The following COL4A3 variants were observed in gnomAD, a reference collection of about 807,000 sequenced individuals.
COL4A3 encodes collagen alpha-3(IV) chain.
A neutral mutation model predicts 217.4 loss-of-function variants in COL4A3; 135 were observed. The ratio of observed to expected loss-of-function variants is 0.62; its 90% confidence interval spans 0.54 to 0.72. The LOEUF is 0.72. Ranked by LOEUF, COL4A3 falls within the 30% of genes least tolerant of loss-of-function variation. The probability of loss-of-function intolerance (pLI) is 0.00; values close to 1 mark genes in which losing one functional copy is unlikely to be tolerated. For missense variants in COL4A3, 1,868 were observed against 2,119.9 expected (o/e 0.88, Z 2.33); for synonymous variants, 690 against 736.3 (o/e 0.94, Z 1.02).
At chr2:227,255,931 G>A (rs1574706594) in intron 15 of COL4A3, 95 bp from the exon 16 acceptor site, 3 of 1,276,214 alleles carry the variant, frequency 2.4e-6, no homozygotes, top group East Asian at 4.8e-5. Context: ...CATGCCTGAG[G>A]TCAAGAGGAG....
At chr2:227,198,151 T>C (rs2066552979) in intron 1 of COL4A3, among the ~76,000 whole-genome samples, 1 of 152,238 alleles carries the variant, frequency 6.6e-6, no homozygotes, top group Admixed American at 6.5e-5. Flanking sequence ...TTGGAATAGA[T>C]TTAATTCAGT....
Position 227,282,278 on chromosome 2 carries a change from ATATAT to A in COL4A3, c.2489-86_2489-82del. On this transcript the variant is annotated intron_variant, in intron 31 of 51. Transcript: ENST00000396578. This position sits in a 1 kb window ranked among gnomAD's most constrained non-coding sequence, Gnocchi z 4.4. ...CAGAGGGAGATTCCATCTTAAAAAT[ATATAT>A]ATATATATATATATATATTTCTGAA... is the stretch of plus-strand genomic sequence containing the variant. 7 of 29,014 alleles carry A rather than the reference ATATAT, an allele frequency of 2.4e-4. No homozygotes were observed. The highest frequency in any genetic ancestry group is 4.3e-4 in the Non-Finnish European group (6 of 13,794). The allele number at this position is 29,014 out of a possible 1,614,324, so 1.8% of individuals were successfully genotyped here.
intron 1 of COL4A3, among the ~76,000 whole-genome samples, chr2:227,190,387 T>C (rs1559806590): frequency 6.6e-6 from 1 of 152,198 alleles, no homozygotes; most frequent in East Asian, 1.9e-4. Context: ...TGGACATGCA[T>C]GATGCTTCTC....
intron 41 of COL4A3, among the ~76,000 whole-genome samples, chr2:227,295,934 T>C (rs906506003): frequency 2.0e-5 from 3 of 152,190 alleles, no homozygotes; most frequent in African/African-American, 7.2e-5. Flanking sequence ...CATTTTCTAG[T>C]CAAACCTTCC....
At chr2:227,206,714 G>GTA (rs2067114924) in intron 1 of COL4A3, among the ~76,000 whole-genome samples, 3 of 152,296 alleles carry the variant, frequency 2.0e-5, no homozygotes, top group Admixed American at 2.0e-4. Context: ...CAGGTGATTT[G>GTA]TATGCACGTG....
At chr2:227,254,240 G>A (rs754591166) in intron 14 of COL4A3, 66 bp downstream of exon 14, 61 of 1,401,846 alleles carry the variant, frequency 4.4e-5, no homozygotes, top group Middle Eastern at 1.8e-4. Flanking sequence ...TTACTTTGAT[G>A]TGTGTTTTGT....
chr2:227,296,788 T>A (rs891332995), intron 41 of COL4A3, among the ~76,000 whole-genome samples: 1 of 152,182 alleles, frequency 6.6e-6, no homozygotes, highest in Non-Finnish European at 1.5e-5. Context: ...ATTCATCAAT[T>A]TTATTTTCAT....
chr2:227,247,260 A>C (rs758558535), intron 7 of COL4A3, among the ~76,000 whole-genome samples: 1 of 152,212 alleles, frequency 6.6e-6, no homozygotes, highest in Non-Finnish European at 1.5e-5. Flanking sequence ...TTTTAGCAAC[A>C]TCAATATCAT....
rs147294187 is a variant in COL4A3 at position 227,203,437 on chromosome 2, G to A, written c.88-34531G>A. On this transcript the variant is annotated intron_variant, in intron 1 of 51. Transcript: ENST00000396578. ...TATGTGTATACATACATATATGTGT[G>A]TATATGTGTATACATACATATATGT... is the stretch of plus-strand genomic sequence containing the variant. 1.6e-3 allele frequency among the ~76,000 whole-genome samples: 26 copies of A among 16,756 alleles called. 6 individuals carry two copies. Among genetic ancestry groups the A allele is most frequent in the African/African-American group, 4.6e-3 (11 of 2,390 alleles). 11.0% of individuals were successfully genotyped at this position (16,756 alleles called of 152,430 possible). A position where few individuals can be genotyped will look rare whatever the true frequency, so the allele number is the denominator to read the frequency against.
intron 1 of COL4A3, among the ~76,000 whole-genome samples, chr2:227,167,488 G>A (rs1416974450): frequency 1.3e-5 from 2 of 152,234 alleles, no homozygotes; most frequent in Non-Finnish European, 2.9e-5. Context: ...ATAGACCTGG[G>A]AGTGGAGGTA....
Position 227,237,996 on chromosome 2 carries a change from G to A in COL4A3, c.116G>A (p.Cys39Tyr), listed in dbSNP as rs2068792091. The A allele has an allele frequency of 6.2e-7, 1 of 1,610,856 alleles. No individual in the cohort carries two copies. Among genetic ancestry groups the A allele is most frequent in the Non-Finnish European group, 8.5e-7 (1 of 1,177,244 alleles). Residue 39 changes from cysteine (C) to tyrosine (Y), a missense_variant, in exon 2 of 52, where the codon TGC (cysteine) becomes TAC (tyrosine). Cys to Tyr is a radical substitution (Grantham distance 194). This residue lies in a region of COL4A3 where 365 missense variants were observed against 333.8 expected (regional missense o/e 1.09). Coordinates refer to ENST00000396578, the MANE Select transcript of COL4A3 (RefSeq NM_000091.5). ...KGCVCKDKGQ[C>Y]FCDGAKGEKG... ...TGTGTCTGTAAAGACAAAGGCCAGT[G>A]CTTCTGTGACGGGGCCAAAGGGGAG...
At chr2:227,291,494 C>T (rs1369091737) in intron 37 of COL4A3, among the ~76,000 whole-genome samples, 3 of 131,134 alleles carry the variant, frequency 2.3e-5, no homozygotes, top group African/African-American at 8.8e-5. Flanking sequence ...ACCTGGGAGG[C>T]GGAGCTTGCA....
At chr2:227,210,835 A>T (rs528752021) in intron 1 of COL4A3, among the ~76,000 whole-genome samples, 136 of 149,974 alleles carry the variant, frequency 9.1e-4, no homozygotes, top group African/African-American at 3.3e-3. Context: ...TTATTCCCAA[A>T]CAAACAAAAA....
chr2:227,262,189 T>C (rs1483512566), intron 20 of COL4A3, among the ~76,000 whole-genome samples: 1 of 152,150 alleles, frequency 6.6e-6, no homozygotes, highest in Non-Finnish European at 1.5e-5. Context: ...TGGAAAGATA[T>C]ACCTCAAACT....
rs201448593 is a variant in COL4A3 at position 227,290,921 on chromosome 2, G to A, written c.3210+35G>A. 6.3e-5 allele frequency: 101 copies of A among 1,591,624 alleles called. 1 individual carries two copies. The African/African-American group carries it at 1.0e-3, about 16-fold the overall frequency. On this transcript the variant is annotated intron_variant, in intron 37 of 51. Transcript: ENST00000396578. Reference sequence around the variant, plus strand: ...CCACTGAAATATTTACATTTTAGTGGTGGAGTGAGTGCCTTGAAAAATATC... The same window carrying A: ...CCACTGAAATATTTACATTTTAGTGATGGAGTGAGTGCCTTGAAAAATATC...
intron 4 of COL4A3, 111 bp downstream of exon 4, chr2:227,244,475 C>A: frequency 1.9e-6 from 2 of 1,038,842 alleles, no homozygotes; most frequent in South Asian, 1.3e-5. Flanking sequence ...AGATGAAGTT[C>A]AAGAACAGGT....
chr2:227,261,202 A>G lies in COL4A3; in HGVS notation c.1150+85A>G, dbSNP rs1404308784. ...CCTCTATTAAGTTTACATTATTTAC[A>G]TAAGACAAATGTTTCATTAACTGAT... is the stretch of plus-strand genomic sequence containing the variant. On this transcript the variant is annotated intron_variant, in intron 20 of 51. Transcript: ENST00000396578. 1.4e-5 allele frequency: 16 copies of G among 1,179,380 alleles called. 1 individual carries two copies. Among genetic ancestry groups the G allele is most frequent in the South Asian group, 1.3e-4 (10 of 77,708 alleles). The allele number at this position is 1,179,380 out of a possible 1,614,324, so 73.1% of individuals were successfully genotyped here. A position where few individuals can be genotyped will look rare whatever the true frequency, so the allele number is the denominator to read the frequency against.
intron 1 of COL4A3, among the ~76,000 whole-genome samples, chr2:227,186,200 C>T (rs1040453952): frequency 1.4e-4 from 21 of 152,342 alleles, no homozygotes; most frequent in Non-Finnish European, 2.2e-4. Context: ...TACTTTCAGG[C>T]TTCTATCACG....
At chr2:227,217,158 C>A (rs1291315441) in intron 1 of COL4A3, among the ~76,000 whole-genome samples, 1 of 152,156 alleles carries the variant, frequency 6.6e-6, no homozygotes, top group Non-Finnish European at 1.5e-5. Context: ...GAATGAGGAC[C>A]AACTGAAAGG....
Sources: gnomAD v4.1 joint callset for allele counts (sites outside exome capture counted in the v4.1 genomes callset) on GRCh38, gnomAD v4.1.1 for gene constraint, gnomAD v4.1.1 regional missense constraint, Gnocchi (gnomAD v3.1) non-coding constraint, MANE v1.5 for transcripts, NCBI Gene and HGNC (gene_info 2026-07-23, HGNC 2026-07-21) for gene names.